Variants in CDKAL1 observed in about 807,000 individuals in gnomAD.
CDKAL1 encodes CDKAL1 threonylcarbamoyladenosine tRNA methylthiotransferase.
Under a neutral mutation model 68.2 loss-of-function variants are expected in CDKAL1, and 32 were observed. That is an observed-to-expected ratio of 0.47 (90% CI 0.35 to 0.63). The LOEUF (loss-of-function observed/expected upper bound fraction) is 0.63. CDKAL1 is among the 30% of genes least tolerant of loss of function. The pLI is 0.00. For missense variants in CDKAL1, 606 were observed against 696.7 expected, an observed-to-expected ratio of 0.87 and a Z score of 1.47; for synonymous variants, 234 against 244.3, an observed-to-expected ratio of 0.96 and a Z score of 0.39.
rs1766727322 is a variant in CDKAL1 at position 20,613,286 on chromosome 6, T to C, written c.287-36007T>C. Among the ~76,000 whole-genome samples, 2 of 70,296 alleles carry C rather than the reference T, an allele frequency of 2.8e-5. 1 individual carries two copies. The highest frequency in any genetic ancestry group is 1.2e-4 in the African/African-American group (2 of 17,272). The allele number at this position is 70,296 out of a possible 152,430, so 46.1% of individuals were successfully genotyped here. A position where few individuals can be genotyped will look rare whatever the true frequency, so the allele number is the denominator to read the frequency against. On this transcript the variant is annotated intron_variant, in intron 4 of 15. Coordinates refer to ENST00000274695, the MANE Select transcript of CDKAL1 (RefSeq NM_017774.3). The stretch of plus-strand genomic sequence containing the variant: ...TTTTTTTTTTTTTTTTTTTTTTTTT[T>C]TTTTTTGAGACGGAGTCTCGCTCTG...
chr6:21,191,863 A>T (rs1778252059), intron 13 of CDKAL1, among the ~76,000 whole-genome samples: 1 of 151,620 alleles, frequency 6.6e-6, no homozygotes, highest in African/African-American at 2.4e-5. Flanking sequence ...CGTGTTTCCC[A>T]GCAGCCCTGA....
intron 5 of CDKAL1, among the ~76,000 whole-genome samples, chr6:20,667,555 A>G (rs1000220429): frequency 6.6e-6 from 1 of 152,126 alleles, no homozygotes; most frequent in Admixed American, 6.6e-5. Flanking sequence ...GGCAGCTCCG[A>G]CTTTATTAAT....
intron 9 of CDKAL1, among the ~76,000 whole-genome samples, chr6:20,943,701 T>C (rs897535720): frequency 6.6e-6 from 1 of 152,132 alleles, no homozygotes; most frequent in African/African-American, 2.4e-5. Context: ...ATAGACCACA[T>C]GTACAATAGC....
intron 11 of CDKAL1, among the ~76,000 whole-genome samples, chr6:21,001,326 TA>T (rs1373833605): frequency 6.6e-6 from 1 of 152,256 alleles, no homozygotes; most frequent in Non-Finnish European, 1.5e-5. Flanking sequence ...TGTAAGCAAT[TA>T]TTTTTTCCAC....
At chr6:20,627,298 C>A (rs537676318) in intron 4 of CDKAL1, among the ~76,000 whole-genome samples, 4 of 152,230 alleles carry the variant, frequency 2.6e-5, no homozygotes, top group African/African-American at 4.8e-5. Context: ...TCAAATAAAT[C>A]TTTTCCTTTA....
chr6:20,914,913 G>C (rs1006923476), intron 9 of CDKAL1, among the ~76,000 whole-genome samples: 1 of 152,060 alleles, frequency 6.6e-6, no homozygotes, highest in African/African-American at 2.4e-5. Flanking sequence ...TAATATGCCT[G>C]AACATATTTT....
chr6:20,580,713 A>G (rs1315769981), intron 4 of CDKAL1, among the ~76,000 whole-genome samples: 3 of 150,464 alleles, frequency 2.0e-5, no homozygotes, highest in African/African-American at 4.9e-5. Flanking sequence ...TCTGGGTACT[A>G]TTTTCTCCTT....
intron 4 of CDKAL1, among the ~76,000 whole-genome samples, chr6:20,643,880 A>T (rs1263972435): frequency 6.6e-6 from 1 of 151,952 alleles, no homozygotes; most frequent in Non-Finnish European, 1.5e-5. Flanking sequence ...GCTGGAGTGC[A>T]GTGGTGCAAT....
chr6:20,711,086 A>G (rs1771822266), intron 5 of CDKAL1, among the ~76,000 whole-genome samples: 1 of 152,140 alleles, frequency 6.6e-6, no homozygotes. Context: ...TTTTAGTAGG[A>G]TTAAGATTAT....
chr6:20,655,945 G>A (rs1176559825), intron 5 of CDKAL1, among the ~76,000 whole-genome samples: 1 of 152,170 alleles, frequency 6.6e-6, no homozygotes. Context: ...TTTATTGAGT[G>A]TCTTCTATGT....
chr6:21,065,313 C>A (rs944805669), intron 12 of CDKAL1, 85 bp downstream of exon 12: 1 of 1,049,080 alleles, frequency 9.5e-7, no homozygotes, highest in Non-Finnish European at 1.4e-6. Flanking sequence ...ACAACTTGCT[C>A]ATGTTATAAC....
At chr6:21,126,283 G>T (rs185034829) in intron 13 of CDKAL1, among the ~76,000 whole-genome samples, 2 of 152,280 alleles carry the variant, frequency 1.3e-5, no homozygotes, top group African/African-American at 2.4e-5. Flanking sequence ...AGAGAGTAAA[G>T]CTCCTTATAA....
At chr6:21,166,538 G>A (rs532576778) in intron 13 of CDKAL1, among the ~76,000 whole-genome samples, 2 of 152,240 alleles carry the variant, frequency 1.3e-5, no homozygotes, top group South Asian at 4.2e-4. Context: ...TTCGTTAAAG[G>A]CTAATTGCTT....
chr6:20,956,700 A>G (rs537541220), intron 10 of CDKAL1, among the ~76,000 whole-genome samples: 41 of 152,348 alleles, frequency 2.7e-4, no homozygotes, highest in Admixed American at 2.5e-3. Context: ...TTTTAAGACT[A>G]TACTTGTTGA....
Position 21,100,066 on chromosome 6 carries a change from G to A in CDKAL1, c.1237-8335G>A, listed in dbSNP as rs866917056. 3.6e-5 allele frequency among the ~76,000 whole-genome samples: 5 copies of A among 139,750 alleles called. 1 individual carries two copies. In the South Asian group the frequency reaches 7.0e-4, roughly 20 times the overall value. The allele number at this position is 139,750 out of a possible 152,430, so 91.7% of individuals were successfully genotyped here. A position where few individuals can be genotyped will look rare whatever the true frequency, so the allele number is the denominator to read the frequency against. On this transcript the variant is annotated intron_variant, in intron 12 of 15. Transcript: ENST00000274695. The stretch of plus-strand genomic sequence containing the variant: ...ATTTGCATTTTCTTCAGCATTTGTT[G>A]CCTAAAGACCTGCCAGGATAAATGG...
chr6:20,955,681 C>G lies in CDKAL1; in HGVS notation c.909+96C>G, dbSNP rs1764743241. 3.9e-6 allele frequency: 4 copies of G among 1,026,710 alleles called. No individual in the cohort carries two copies. The Admixed American group carries it at 1.1e-4, about 27-fold the overall frequency. The allele number at this position is 1,026,710 out of a possible 1,614,324, so 63.6% of individuals were successfully genotyped here. A position where few individuals can be genotyped will look rare whatever the true frequency, so the allele number is the denominator to read the frequency against. The stretch of plus-strand genomic sequence containing the variant: ...ATCATCACATCAGCTTCATTTAAAA[C>G]TCCTTCACATTTTTTTTTTGTAGTC... On this transcript the variant is annotated intron_variant, in intron 10 of 15. Transcript: ENST00000274695.
chr6:20,570,615 G>A (rs965240114), intron 4 of CDKAL1, among the ~76,000 whole-genome samples: 2 of 151,882 alleles, frequency 1.3e-5, no homozygotes, highest in Non-Finnish European at 2.9e-5. Flanking sequence ...TGGCCAGGCT[G>A]GTCTCAAATT....
chr6:21,053,769 T>G (rs1410480451), intron 11 of CDKAL1, among the ~76,000 whole-genome samples: 1 of 152,158 alleles, frequency 6.6e-6, no homozygotes, highest in African/African-American at 2.4e-5. Context: ...TATATCTTCT[T>G]CAGTGAAGTG....
In CDKAL1 at chr6:20,574,049, T is replaced by C. The variant is rs527945670; in HGVS notation, c.286+25344T>C. On this transcript the variant is annotated intron_variant, in intron 4 of 15. Transcript: ENST00000274695. ...TGGTGTCACTACCTGAATTAAGTAG[T>C]TGTGGCTAAATTGTTTATATTATAT... 1.6e-4 allele frequency among the ~76,000 whole-genome samples: 24 copies of C among 152,292 alleles called. No homozygotes were observed. In the East Asian group the frequency reaches 4.4e-3, roughly 28 times the overall value.
Sources: allele counts gnomAD v4.1 joint callset (sites outside exome capture counted in the v4.1 genomes callset), GRCh38; gene constraint gnomAD v4.1.1; transcripts MANE v1.5; gene names NCBI Gene and HGNC (gene_info 2026-07-23, HGNC 2026-07-21).